Variants in FAM120A observed in about 807,000 individuals in gnomAD.
The protein encoded by FAM120A is family with sequence similarity 120 member A, also known as constitutive coactivator of PPAR-gamma-like protein 1.
Under a neutral mutation model 109.7 loss-of-function variants are expected in FAM120A, and 15 were observed. The ratio of observed to expected loss-of-function variants is 0.14; its 90% confidence interval spans 0.09 to 0.21. The LOEUF (loss-of-function observed/expected upper bound fraction) is 0.21. Among genes scored for constraint, FAM120A ranks in the 10% least tolerant of loss-of-function variants. FAM120A has a pLI of 1.00. For missense variants in FAM120A, 899 were observed against 1,439.3 expected, an observed-to-expected ratio of 0.62 and a Z score of 6.07; for synonymous variants, 493 against 572.8, an observed-to-expected ratio of 0.86 and a Z score of 1.99.
At chr9:93,459,863 C>A (rs1045101624) in intron 1 of FAM120A, among the ~76,000 whole-genome samples, 1 of 152,156 alleles carries the variant, frequency 6.6e-6, no homozygotes, top group African/African-American at 2.4e-5. Flanking sequence ...CCTAAAATAC[C>A]AGTAGTGCCA....
At chr9:93,464,651 A>G (rs1857934724) in intron 1 of FAM120A, among the ~76,000 whole-genome samples, 1 of 152,192 alleles carries the variant, frequency 6.6e-6, no homozygotes, top group Admixed American at 6.5e-5. Context: ...GCATTTTGAT[A>G]GAGTGGAAAT....
chr9:93,495,096 A>C (rs757432800), intron 3 of FAM120A, among the ~76,000 whole-genome samples: 35 of 152,182 alleles, frequency 2.3e-4, no homozygotes, highest in Non-Finnish European at 5.0e-4. Context: ...GCAGCAGCTG[A>C]GTAGGCATTG....
intron 7 of FAM120A, among the ~76,000 whole-genome samples, chr9:93,522,413 A>G (rs1333197377): frequency 6.6e-6 from 1 of 152,218 alleles, no homozygotes; most frequent in African/African-American, 2.4e-5. Context: ...GTCCTATCTT[A>G]GGGAGAGTAA....
At chr9:93,476,223 A>T in intron 2 of FAM120A, 33 bp from the exon 3 acceptor site, 1 of 1,452,210 alleles carries the variant, frequency 6.9e-7, no homozygotes, top group South Asian at 1.1e-5. Flanking sequence ...ACTTAAGATG[A>T]TTGCTTTTAT....
At chr9:93,466,182 A>T (rs1304959604) in intron 1 of FAM120A, among the ~76,000 whole-genome samples, 1 of 152,138 alleles carries the variant, frequency 6.6e-6, no homozygotes, top group African/African-American at 2.4e-5. Context: ...GTCCACATTC[A>T]AAGGGGATAG....
rs1861368582 is a variant in FAM120A at position 93,532,542 on chromosome 9, G to T, written c.1909+213G>T. Reference sequence around the variant, plus strand: ...TCTTCCTCAGTAACATTCCAATAATGATGTTTATTCAGTAAAATAATAAAA... The same window carrying T: ...TCTTCCTCAGTAACATTCCAATAATTATGTTTATTCAGTAAAATAATAAAA... On this transcript the variant is annotated intron_variant, in intron 10 of 17. Transcript: ENST00000277165. The surrounding 1 kb of genome is among the most constrained non-coding windows in gnomAD (Gnocchi z 4.3). 1 of 569,994 alleles carries T rather than the reference G, an allele frequency of 1.8e-6. No homozygotes were observed. The highest frequency in any genetic ancestry group is 1.9e-5 in the African/African-American group (1 of 53,310). 35.3% of individuals were successfully genotyped at this position (569,994 alleles called of 1,614,324 possible). A position where few individuals can be genotyped will look rare whatever the true frequency, so the allele number is the denominator to read the frequency against.
intron 1 of FAM120A, among the ~76,000 whole-genome samples, chr9:93,455,845 T>C (rs573307724): frequency 6.6e-6 from 1 of 152,268 alleles, no homozygotes; most frequent in Non-Finnish European, 1.5e-5. Flanking sequence ...GTATTTTTAG[T>C]AGAGGCGGGG....
chr9:93,474,576 C>T lies in FAM120A; in HGVS notation c.722-1680C>T, dbSNP rs530449679. ...TTTCGAATTGAAGCTTCCAAAATTT[C>T]GGACACTTCGTTCTTTTTTTGTTTG... On this transcript the variant is annotated intron_variant, in intron 2 of 17. Coordinates refer to ENST00000277165, the MANE Select transcript of FAM120A (RefSeq NM_014612.5). 5.9e-5 allele frequency among the ~76,000 whole-genome samples: 9 copies of T among 152,046 alleles called. No homozygotes were observed. In the East Asian group the frequency reaches 1.4e-3, roughly 23 times the overall value.
chr9:93,561,387 A>G (rs1862459660), intron 16 of FAM120A, 137 bp downstream of exon 16: 2 of 823,732 alleles, frequency 2.4e-6, no homozygotes, highest in African/African-American at 3.6e-5. Flanking sequence ...GTATTTAATT[A>G]TTTAGTTTTT....
At position 93,527,260 on chromosome 9, in the gene FAM120A, T is replaced by C; in HGVS notation, c.1506+18T>C. The C allele has an allele frequency of 6.2e-7, 1 of 1,604,764 alleles. No homozygotes were observed. The highest frequency in any genetic ancestry group is 8.5e-7 in the Non-Finnish European group (1 of 1,171,832). ...AAACAAAGGTAGAAAGTCTATGCCT[T>C]TTAGTTTTTGAGTTCTGACTCATTT... is the stretch of plus-strand genomic sequence containing the variant. On this transcript the variant is annotated intron_variant, in intron 8 of 17. Coordinates refer to ENST00000277165, the MANE Select transcript of FAM120A (RefSeq NM_014612.5).
rs567520127 is a variant in FAM120A at position 93,516,228 on chromosome 9, G to T, written c.1377G>T (p.Ser459=). Residue 459 remains serine, a synonymous_variant, in exon 7 of 18, where the codon TCG becomes TCT. Transcript: ENST00000277165. ...CCTACTTCCCTGGCTCTTCTACATC[G>T]TCATCTTCCGACAACGACGAGGGCA... ...DSAYFPGSST[S]SSSDNDEGSG... The T allele has an allele frequency of 4.3e-6, 7 of 1,613,384 alleles. No homozygotes were observed. The highest frequency in any genetic ancestry group is 5.9e-6 in the Non-Finnish European group (7 of 1,179,688).
chr9:93,550,558 T>G lies in FAM120A; in HGVS notation c.2160-19T>G. 1 of 1,604,428 alleles carries G rather than the reference T, an allele frequency of 6.2e-7. No individual in the cohort carries two copies. Among genetic ancestry groups the G allele is most frequent in the Admixed American group, 1.7e-5 (1 of 60,006 alleles). Reference sequence around the variant, plus strand: ...GACCACTCAGTAATCACCAACCTTTTGTTTCTGCCCCTCACCAGGTACATG... The same window carrying G: ...GACCACTCAGTAATCACCAACCTTTGGTTTCTGCCCCTCACCAGGTACATG... On this transcript the variant is annotated intron_variant, in intron 11 of 17. Transcript: ENST00000277165.
intron 3 of FAM120A, among the ~76,000 whole-genome samples, chr9:93,477,427 G>C (rs2131280554): frequency 6.6e-6 from 1 of 152,204 alleles, no homozygotes; most frequent in African/African-American, 2.4e-5. Flanking sequence ...TCAACTTCTT[G>C]TTCAAAAATT....
chr9:93,516,621 C>T (rs2482299), intron 7 of FAM120A, among the ~76,000 whole-genome samples: 8 of 152,226 alleles, frequency 5.3e-5, no homozygotes, highest in African/African-American at 7.2e-5. Context: ...AACCCCCTGC[C>T]GACCCCCGAA....
chr9:93,523,462 T>A lies in FAM120A; in HGVS notation c.1419-3693T>A, dbSNP rs1157019123. 3 of 432,514 alleles carry A rather than the reference T, an allele frequency of 6.9e-6. No homozygotes were observed. The Admixed American group carries it at 1.4e-4, about 20-fold the overall frequency. 26.8% of individuals were successfully genotyped at this position (432,514 alleles called of 1,614,324 possible). A position where few individuals can be genotyped will look rare whatever the true frequency, so the allele number is the denominator to read the frequency against. On this transcript the variant is annotated intron_variant, in intron 7 of 17. Coordinates refer to ENST00000277165, the MANE Select transcript of FAM120A (RefSeq NM_014612.5). ...TTCCAGACAGATATCCACTTTATAT[T>A]TATGTTTTGACACATGGTACCATTT... is the stretch of plus-strand genomic sequence containing the variant.
intron 15 of FAM120A, among the ~76,000 whole-genome samples, chr9:93,560,275 CAGAG>C (rs1414224905): frequency 6.6e-6 from 1 of 151,290 alleles, no homozygotes; most frequent in Non-Finnish European, 1.5e-5. Context: ...GCCTGGGTGA[CAGAG>C]CGAGACCCTG....
At chr9:93,476,118 T>C (rs13298020) in intron 2 of FAM120A, 138 bp from the exon 3 acceptor site, 12 of 596,338 alleles carry the variant, frequency 2.0e-5, no homozygotes, top group Non-Finnish European at 3.6e-5. Flanking sequence ...GTATGTCGCT[T>C]TATGTTAAGA....
At chr9:93,517,132 T>C (rs1405915977) in intron 7 of FAM120A, among the ~76,000 whole-genome samples, 1 of 152,164 alleles carries the variant, frequency 6.6e-6, no homozygotes, top group Non-Finnish European at 1.5e-5. Flanking sequence ...TGTCCATCTG[T>C]GAAATGGGAA....
At chr9:93,556,709 G>A (rs1025106112) in intron 13 of FAM120A, 118 bp downstream of exon 13, 3 of 1,056,496 alleles carry the variant, frequency 2.8e-6, no homozygotes, top group Non-Finnish European at 4.2e-6. Context: ...GTTTTAGGTT[G>A]GGCCTGGTAC....
Sources: allele counts gnomAD v4.1 joint callset (sites outside exome capture counted in the v4.1 genomes callset), GRCh38; gene constraint gnomAD v4.1.1; non-coding constraint Gnocchi (gnomAD v3.1); transcripts MANE v1.5; gene names NCBI Gene and HGNC (gene_info 2026-07-23, HGNC 2026-07-21).